The following HRH1 variants were observed in gnomAD, a reference collection of about 807,000 sequenced individuals.
HRH1 encodes histamine H1 receptor.
In HRH1, 6 loss-of-function variants were observed where a neutral mutation model predicts 10.3. The observed-to-expected ratio is 0.58, with a 90% CI of 0.32 to 1.15. The LOEUF is 1.15. Ranked by LOEUF, HRH1 falls within the 50% of genes most tolerant of loss-of-function variation. The pLI, the probability that HRH1 is intolerant of heterozygous loss-of-function variation, is 0.05. For missense variants in HRH1, 514 were observed against 615.3 expected, an observed-to-expected ratio of 0.84 and a Z score of 1.74; for synonymous variants, 242 against 236.7, an observed-to-expected ratio of 1.02 and a Z score of -0.21.
chr3:11,189,527 C>A (rs980542420), intron 1 of HRH1, among the ~76,000 whole-genome samples: 1 of 152,098 alleles, frequency 6.6e-6, no homozygotes, highest in Non-Finnish European at 1.5e-5. Flanking sequence ...TCTAGGGACC[C>A]CTCTGGTCCA....
At chr3:11,251,539 C>T (rs1939650427) in intron 1 of HRH1, among the ~76,000 whole-genome samples, 1 of 152,076 alleles carries the variant, frequency 6.6e-6, no homozygotes, top group South Asian at 2.1e-4. Flanking sequence ...ATGCCTTTTC[C>T]CTTTTATTAC....
intron 1 of HRH1, among the ~76,000 whole-genome samples, chr3:11,180,724 G>T (rs1228135689): frequency 6.6e-6 from 1 of 151,990 alleles, no homozygotes. Context: ...TCTGTGAGTG[G>T]TTTTTGTCAC....
intron 1 of HRH1, among the ~76,000 whole-genome samples, chr3:11,246,013 C>T (rs1553581798): frequency 7.7e-6 from 1 of 129,584 alleles, no homozygotes; most frequent in Non-Finnish European, 1.7e-5. Flanking sequence ...CACATACACA[C>T]ATACACTCAC....
intron 1 of HRH1, among the ~76,000 whole-genome samples, chr3:11,205,412 A>C (rs1326811417): frequency 6.6e-6 from 1 of 152,164 alleles, no homozygotes; most frequent in Non-Finnish European, 1.5e-5. Context: ...TTCAAATCCC[A>C]GCTCCACCAC....
chr3:11,218,461 A>G (rs1304030646), intron 1 of HRH1, among the ~76,000 whole-genome samples: 1 of 152,092 alleles, frequency 6.6e-6, no homozygotes, highest in Non-Finnish European at 1.5e-5. Flanking sequence ...AAAAAAAAAA[A>G]AAAAAATTAA....
In HRH1 at chr3:11,258,916, A is replaced by G. The variant is rs184279548; in HGVS notation, c.-35-87A>G. ...CAGTGTTGATCACCCCCAACAGCAT[A>G]CAACTCCAGTCTGATGAACATCATG... On this transcript the variant is annotated intron_variant, in intron 1 of 1. Coordinates refer to ENST00000431010, the MANE Select transcript of HRH1 (RefSeq NM_001098212.2). 2.5e-5 allele frequency: 23 copies of G among 931,396 alleles called. No homozygotes were observed. The East Asian group carries it at 5.3e-4, about 21-fold the overall frequency. 57.7% of individuals were successfully genotyped at this position (931,396 alleles called of 1,614,324 possible). A position where few individuals can be genotyped will look rare whatever the true frequency, so the allele number is the denominator to read the frequency against.
intron 1 of HRH1, among the ~76,000 whole-genome samples, chr3:11,160,086 A>G (rs1240442854): frequency 6.6e-6 from 1 of 152,240 alleles, no homozygotes; most frequent in Non-Finnish European, 1.5e-5. Context: ...TTCAGACAGT[A>G]TACCTGTATA....
chr3:11,193,570 C>T (rs1333385234), intron 1 of HRH1, among the ~76,000 whole-genome samples: 1 of 152,202 alleles, frequency 6.6e-6, no homozygotes. Flanking sequence ...TCTGTCTTCA[C>T]ATGGTGGGAA....
At chr3:11,207,577 AAAAG>A (rs1938182370) in intron 1 of HRH1, among the ~76,000 whole-genome samples, 1 of 152,090 alleles carries the variant, frequency 6.6e-6, no homozygotes, top group Non-Finnish European at 1.5e-5. Flanking sequence ...TCAAAAAAAC[AAAAG>A]AAAGAGGCCG....
chr3:11,137,735 G>A (rs921309256), intron 1 of HRH1, among the ~76,000 whole-genome samples: 5 of 152,098 alleles, frequency 3.3e-5, no homozygotes, highest in African/African-American at 4.8e-5. Flanking sequence ...CGACCGGAAC[G>A]GACCCTGTTA....
At chr3:11,227,466 T>C (rs1938923793) in intron 1 of HRH1, among the ~76,000 whole-genome samples, 1 of 152,044 alleles carries the variant, frequency 6.6e-6, no homozygotes, top group African/African-American at 2.4e-5. Flanking sequence ...TTTGTATTTT[T>C]AGTGGAGACG....
At chr3:11,234,328 C>G in intron 1 of HRH1, 1 of 1,585,494 alleles carries the variant, frequency 6.3e-7, no homozygotes, top group East Asian at 2.2e-5. Context: ...CTGCTGGCTT[C>G]TTCTCTCTTT....
At chr3:11,212,208 C>T (rs1376699006) in intron 1 of HRH1, among the ~76,000 whole-genome samples, 2 of 152,106 alleles carry the variant, frequency 1.3e-5, no homozygotes, top group African/African-American at 4.8e-5. Flanking sequence ...GTAGATTTTC[C>T]TGCTGTGAGG....
At chr3:11,240,787 A>G (rs1436945376) in intron 1 of HRH1, among the ~76,000 whole-genome samples, 1 of 152,246 alleles carries the variant, frequency 6.6e-6, no homozygotes, top group Non-Finnish European at 1.5e-5. Flanking sequence ...TGACCTGGCC[A>G]GACTTAATGA....
chr3:11,145,344 G>A (rs954061099), intron 1 of HRH1, among the ~76,000 whole-genome samples: 1 of 152,090 alleles, frequency 6.6e-6, no homozygotes, highest in African/African-American at 2.4e-5. Context: ...GTTTCCTTGA[G>A]CCTGGAATGC....
chr3:11,193,737 A>G (rs1420625399), intron 1 of HRH1, among the ~76,000 whole-genome samples: 1 of 152,244 alleles, frequency 6.6e-6, no homozygotes, highest in Non-Finnish European at 1.5e-5. Context: ...ATTTTGGTTC[A>G]TAGACTGAGC....
rs374992714 is a variant in HRH1 at position 11,259,774 on chromosome 3, G to C, written c.737G>C (p.Gly246Ala). 6.2e-7 allele frequency: 1 copy of C among 1,614,002 alleles called. No homozygotes were observed. Among genetic ancestry groups the C allele is most frequent in the South Asian group, 1.1e-5 (1 of 91,074 alleles). ...AAGCTGAGGCCAGAGAACCCCAAGG[G>C]GGATGCCAAGAAACCAGGGAAGGAG... is the stretch of plus-strand genomic sequence containing the variant. Reference protein sequence around the residue: ...EIKLRPENPKGDAKKPGKESP... With the variant: ...EIKLRPENPKADAKKPGKESP... The change falls in exon 2 of 2, where the codon GGG becomes GCG. Residue 246 changes from glycine to alanine, a missense_variant. By Grantham distance (60) the Gly-to-Ala change is moderately conservative (BLOSUM62 0). Coordinates refer to ENST00000431010, the MANE Select transcript of HRH1 (RefSeq NM_001098212.2). The surrounding 1 kb of genome is among the most constrained non-coding windows in gnomAD (Gnocchi z 4.6).
chr3:11,253,791 C>G (rs780834701), intron 1 of HRH1, among the ~76,000 whole-genome samples: 14 of 152,188 alleles, frequency 9.2e-5, no homozygotes, highest in Non-Finnish European at 2.1e-4. Context: ...TATCATGCTC[C>G]TTTCTTCTCC....
intron 1 of HRH1, among the ~76,000 whole-genome samples, chr3:11,250,877 G>A (rs1939631789): frequency 6.6e-6 from 1 of 152,106 alleles, no homozygotes; most frequent in African/African-American, 2.4e-5. Context: ...ACTCTGAAAC[G>A]ATCTGCAACT....
Sources: gnomAD v4.1 joint callset for allele counts (sites outside exome capture counted in the v4.1 genomes callset) on GRCh38, gnomAD v4.1.1 for gene constraint, Gnocchi (gnomAD v3.1) non-coding constraint, MANE v1.5 for transcripts, NCBI Gene and HGNC (gene_info 2026-07-23, HGNC 2026-07-21) for gene names.